GPX5: variants seen among roughly 807,000 people sequenced by gnomAD.
GPX5 encodes the protein glutathione peroxidase 5.
GPX5 carries 20 observed loss-of-function variants against 23.8 expected under a neutral mutation model. The ratio of observed to expected loss-of-function variants is 0.84; its 90% CI spans 0.59 to 1.22. The LOEUF (loss-of-function observed/expected upper bound fraction) is 1.22. Ranked by LOEUF, GPX5 falls within the 50% of genes most tolerant of loss-of-function variation. The pLI is 0.00. For synonymous variants in GPX5, 92 were observed against 99.5 expected, an observed-to-expected ratio of 0.92 and a Z score of 0.45; for missense variants, 230 against 266.6, an observed-to-expected ratio of 0.86 and a Z score of 0.96.
intron 2 of GPX5, among the ~76,000 whole-genome samples, chr6:28,531,370 CAAAAAAAAAAAAA>C (rs1193939654): frequency 2.0e-5 from 1 of 50,114 alleles, no homozygotes; most frequent in Admixed American, 3.1e-4. Flanking sequence ...GAATCTGTCT[CAAAAAAAAAAAAA>C]AAAAAAAAAA....
intron 3 of GPX5, 41 bp downstream of exon 3, chr6:28,531,936 C>T: frequency 1.4e-6 from 2 of 1,396,576 alleles, no homozygotes; most frequent in Non-Finnish European, 2.0e-6. Flanking sequence ...CGCCTGTGTA[C>T]CTTTCCTCAG....
intron 2 of GPX5, 27 bp downstream of exon 2, chr6:28,529,631 T>C: frequency 9.7e-6 from 15 of 1,540,662 alleles, no homozygotes; most frequent in Non-Finnish European, 1.3e-5. Context: ...TTACTTCTCT[T>C]TGGGACTAAA....
At position 28,526,030 on chromosome 6, in the gene GPX5, G is replaced by C; in HGVS notation, c.17G>C (p.Arg6Thr). Residue 6 changes from arginine (R) to threonine (T), a missense_variant, in exon 1 of 5, where the codon AGG (arginine) becomes ACG (threonine). Coordinates refer to ENST00000412168, the MANE Select transcript of GPX5 (RefSeq NM_001509.3). The part of the protein sequence containing the change: MTTQL[R>T]VVHLLPLLLA... ...ACACTAGTCATGACTACACAGTTAA[G>C]GGTCGTCCATCTGCTTCCCCTTCTC... 1 of 1,612,728 alleles carries C rather than the reference G, an allele frequency of 6.2e-7. No homozygotes were observed. The highest frequency in any genetic ancestry group is 1.3e-5 in the African/African-American group (1 of 74,986).
chr6:28,531,856 A>G lies in GPX5; in HGVS notation c.320A>G (p.Gln107Arg). ...TTTCCCTGCAACCAATTTGGAAAGC[A>G]AGAACCAGGAGATAACAAAGAGATT... The part of the protein sequence containing the change: ...LGFPCNQFGK[Q>R]EPGDNKEILP... Residue 107 changes from glutamine to arginine, a missense_variant, in exon 3 of 5, where the codon CAA (glutamine) becomes CGA (arginine). Gln to Arg is a conservative substitution (Grantham distance 43). Coordinates refer to ENST00000412168, the MANE Select transcript of GPX5 (RefSeq NM_001509.3). 2 of 1,613,906 alleles carry G rather than the reference A, an allele frequency of 1.2e-6. No homozygotes were observed. Among genetic ancestry groups the G allele is most frequent in the Non-Finnish European group, 1.7e-6 (2 of 1,179,826 alleles).
At chr6:28,531,678 C>T (rs949498586) in intron 2 of GPX5, 100 bp from the exon 3 acceptor site, 1 of 747,032 alleles carries the variant, frequency 1.3e-6, no homozygotes, top group Non-Finnish European at 2.3e-6. Context: ...CCTCCCTGGG[C>T]CTCTGTTTCC....
chr6:28,534,086 C>T lies in GPX5; in HGVS notation c.585C>T (p.Val195=), dbSNP rs1333438842. 4 of 1,612,556 alleles carry T rather than the reference C, an allele frequency of 2.5e-6. No individual in the cohort carries two copies. The highest frequency in any genetic ancestry group is 3.4e-6 in the Non-Finnish European group (4 of 1,179,418). ...TGGTGGGGCCTGATGGAATCCCTGTCATGCGCTGGTCCCACCGGGCTACGG... is the reference window on the plus strand; with the variant it reads ...TGGTGGGGCCTGATGGAATCCCTGTTATGCGCTGGTCCCACCGGGCTACGG... The part of the protein sequence containing the change: ...KFLVGPDGIP[V]MRWSHRATVS... The change falls in exon 5 of 5, where the codon GTC becomes GTT. Residue 195 remains valine (V), a synonymous_variant. Transcript: ENST00000412168.
At chr6:28,530,505 C>A (rs1174081283) in intron 2 of GPX5, among the ~76,000 whole-genome samples, 13 of 152,296 alleles carry the variant, frequency 8.5e-5, no homozygotes. Flanking sequence ...CCCCTCCCTT[C>A]AGTAGACCAA....
chr6:28,534,875 C>T lies in GPX5; in HGVS notation c.*708C>T, dbSNP rs1316515308. 1.3e-5 allele frequency: 2 copies of T among 152,196 alleles called. No individual in the cohort carries two copies. Among genetic ancestry groups the T allele is most frequent in the Non-Finnish European group, 2.9e-5 (2 of 68,050 alleles). 9.4% of individuals were successfully genotyped at this position (152,196 alleles called of 1,614,324 possible). A position where few individuals can be genotyped will look rare whatever the true frequency, so the allele number is the denominator to read the frequency against. ...CTTTATCTTTTGAAGGATGGGATTT[C>T]CCATCTCAACCCTGGATTCCTCACC... On this transcript the variant is annotated 3_prime_UTR_variant, in exon 5 of 5. Coordinates refer to ENST00000412168, the MANE Select transcript of GPX5 (RefSeq NM_001509.3).
rs28382591 is a variant in GPX5, at chr6:28,526,581, G to GA, written c.87+491dup. Among the ~76,000 whole-genome samples, 22 of 149,926 alleles carry GA rather than the reference G, an allele frequency of 1.5e-4. 1 individual carries two copies. The South Asian group carries it at 1.7e-3, about 12-fold the overall frequency. ...GAGTTATCAGAGAAACATAAAACATGAAAAAAAAAATCAGAGCCCTAAAAC... is the reference window on the plus strand; with the variant it reads ...GAGTTATCAGAGAAACATAAAACATGAAAAAAAAAAATCAGAGCCCTAAAAC... On this transcript the variant is annotated intron_variant, in intron 1 of 4. Transcript: ENST00000412168.
chr6:28,528,683 C>T (rs933233326), intron 1 of GPX5: 2 of 151,722 alleles, frequency 1.3e-5, no homozygotes, highest in African/African-American at 4.8e-5. Context: ...ATATCCTTTT[C>T]CATTATCCGT....
chr6:28,532,213 G>A (rs956431833), intron 3 of GPX5, 108 bp from the exon 4 acceptor site: 4 of 722,384 alleles, frequency 5.5e-6, no homozygotes, highest in Admixed American at 2.6e-5. Flanking sequence ...CACCCACAAC[G>A]ATACTTCCCT....
intron 1 of GPX5, 135 bp downstream of exon 1, chr6:28,526,235 T>C (rs1257241194): frequency 1.8e-5 from 12 of 675,266 alleles, no homozygotes; most frequent in Non-Finnish European, 2.4e-5. Flanking sequence ...TGCTTTTTTT[T>C]CTCCTTGAAT....
Position 28,532,398 on chromosome 6 carries a change from A to C in GPX5, c.437A>C (p.Gln146Pro), listed in dbSNP as rs1763345153. The C allele has an allele frequency of 6.3e-7, 1 of 1,591,208 alleles. No homozygotes were observed. The highest frequency in any genetic ancestry group is 1.8e-5 in the Admixed American group (1 of 55,068). ...GGGGATGTGAATGGTGAAAAAGAAC[A>C]GAAAGTCTTCAGTTTCTTGAAGGTG... The part of the protein sequence containing the change: ...EKGDVNGEKE[Q>P]KVFSFLKHSC... The change falls in exon 4 of 5, where the codon CAG (glutamine) becomes CCG (proline). Residue 146 changes from glutamine (Q) to proline (P), a missense_variant. Gln to Pro is a moderately conservative substitution (Grantham distance 76). Transcript: ENST00000412168.
intron 2 of GPX5, among the ~76,000 whole-genome samples, chr6:28,531,370 C>CAAAAAAAA (rs1193939654): frequency 8.0e-5 from 4 of 50,112 alleles, no homozygotes; most frequent in Non-Finnish European, 1.4e-4. Context: ...GAATCTGTCT[C>CAAAAAAAA]AAAAAAAAAA....
Position 28,525,989 on chromosome 6 carries a change from G to A in GPX5, c.-25G>A, listed in dbSNP as rs780061099. 6.4e-6 allele frequency: 10 copies of A among 1,572,674 alleles called. No homozygotes were observed. In the Admixed American group the frequency reaches 1.7e-4, roughly 26 times the overall value. On this transcript the variant is annotated 5_prime_UTR_variant, in exon 1 of 5. Transcript: ENST00000412168. ...GGTGGGCAAAGACCTCAGGCCCCCA[G>A]ACTAGCAATCTACAAACACTAGTCA... is the stretch of plus-strand genomic sequence containing the variant.
Position 28,532,435 on chromosome 6 carries a change from G to T in GPX5, c.459+15G>T. On this transcript the variant is annotated intron_variant, in intron 4 of 4. Coordinates refer to ENST00000412168, the MANE Select transcript of GPX5 (RefSeq NM_001509.3). ...GTTTCTTGAAGGTGAGTAAATTCCT[G>T]GCATAAGCCTCCTCCTCTTTTCTAA... 1 of 1,456,048 alleles carries T rather than the reference G, an allele frequency of 6.9e-7. No homozygotes were observed. The highest frequency in any genetic ancestry group is 1.2e-5 in the South Asian group (1 of 82,790). The allele number at this position is 1,456,048 out of a possible 1,614,324, so 90.2% of individuals were successfully genotyped here.
Position 28,534,184 on chromosome 6 carries a change from G to T in GPX5, c.*17G>T, listed in dbSNP as rs756289630. ...ACCAAATAGGAAGGTGGAGTTAAGG[G>T]CAGGAGCAACCCTACTTCTCACCTA... On this transcript the variant is annotated 3_prime_UTR_variant, in exon 5 of 5. Transcript: ENST00000412168. 2 of 1,540,160 alleles carry T rather than the reference G, an allele frequency of 1.3e-6. No individual in the cohort carries two copies. The highest frequency in any genetic ancestry group is 2.3e-5 in the East Asian group (1 of 42,930).
At position 28,534,372 on chromosome 6, in the gene GPX5, T is replaced by G. The variant is rs1325820268; in HGVS notation, c.*205T>G. 1 of 445,444 alleles carries G rather than the reference T, an allele frequency of 2.2e-6. No homozygotes were observed. Among genetic ancestry groups the G allele is most frequent in the Non-Finnish European group, 3.9e-6 (1 of 254,712 alleles). 27.6% of individuals were successfully genotyped at this position (445,444 alleles called of 1,614,324 possible). A position where few individuals can be genotyped will look rare whatever the true frequency, so the allele number is the denominator to read the frequency against. ...TTTGGAAGGCTACTGCTCTTTTGCC[T>G]CTCAAGAGTATGTGGGTGAAGACTG... On this transcript the variant is annotated 3_prime_UTR_variant, in exon 5 of 5. Coordinates refer to ENST00000412168, the MANE Select transcript of GPX5 (RefSeq NM_001509.3).
rs1554164855 is a variant in GPX5 at position 28,531,389 on chromosome 6, A to AAAG, written c.242-387_242-386insGAA. Among the ~76,000 whole-genome samples the AAAG allele has an allele frequency of 4.5e-4, 31 of 69,548 alleles. No individual in the cohort carries two copies. In the South Asian group the frequency reaches 4.6e-3, roughly 10 times the overall value. The allele number at this position is 69,548 out of a possible 152,430, so 45.6% of individuals were successfully genotyped here. On this transcript the variant is annotated intron_variant, in intron 2 of 4. Transcript: ENST00000412168. ...CTGTCTCAAAAAAAAAAAAAAAAAA[A>AAAG]AAAAGAAAAGAAAAGAAAAGAAAAG...
Sources: allele counts gnomAD v4.1 joint callset (sites outside exome capture counted in the v4.1 genomes callset), GRCh38; gene constraint gnomAD v4.1.1; transcripts MANE v1.5; gene names NCBI Gene and HGNC (gene_info 2026-07-23, HGNC 2026-07-21).